CSMD1: variants seen among roughly 807,000 people sequenced by gnomAD.
CSMD1 encodes the protein CUB and Sushi multiple domains 1, also known as CUB and sushi domain-containing protein 1.
In CSMD1, 213 loss-of-function variants were observed where a neutral mutation model predicts 417.5. The ratio of observed to expected loss-of-function variants is 0.51; its 90% CI spans 0.46 to 0.57. CSMD1 has a LOEUF of 0.57. CSMD1 is among the 20% of genes least tolerant of loss of function. The pLI, the probability that CSMD1 is intolerant of heterozygous loss-of-function variation, is 0.00. For missense variants in CSMD1, 6,923 were observed against 4,529.7 expected, an observed-to-expected ratio of 1.53 and a Z score of -15.17; for synonymous variants, 2,862 against 1,736.8, an observed-to-expected ratio of 1.65 and a Z score of -16.11.
intron 3 of CSMD1, among the ~76,000 whole-genome samples, chr8:4,091,806 A>G (rs1167044466): frequency 6.6e-6 from 1 of 152,222 alleles, no homozygotes; most frequent in East Asian, 1.9e-4. Flanking sequence ...AAAATACTGG[A>G]AGAGGCCTTA....
At chr8:3,448,160 T>G (rs114665292) in intron 12 of CSMD1, among the ~76,000 whole-genome samples, 1 of 150,558 alleles carries the variant, frequency 6.6e-6, no homozygotes, top group Non-Finnish European at 1.5e-5. Context: ...GGAGCCTGAA[T>G]TGGGGGAGTA....
chr8:3,439,074 G>T (rs1371444129), intron 12 of CSMD1, among the ~76,000 whole-genome samples: 5 of 111,290 alleles, frequency 4.5e-5, no homozygotes, highest in Admixed American at 1.4e-4. Context: ...AGTGAGCCAA[G>T]ATCGTGCCAC....
chr8:3,139,561 G>C (rs543913655), intron 41 of CSMD1, among the ~76,000 whole-genome samples: 7 of 152,150 alleles, frequency 4.6e-5, no homozygotes, highest in African/African-American at 1.2e-4. Flanking sequence ...TAGACACCAG[G>C]TAAATAGATA....
chr8:3,646,837 TG>T (rs1320313525), intron 7 of CSMD1, among the ~76,000 whole-genome samples: 1 of 152,142 alleles, frequency 6.6e-6, no homozygotes, highest in Non-Finnish European at 1.5e-5. Context: ...TCCCACCCGC[TG>T]GCTGCTTGCC....
intron 11 of CSMD1, among the ~76,000 whole-genome samples, chr8:3,484,246 T>C (rs1285942236): frequency 2.6e-5 from 4 of 152,198 alleles, no homozygotes; most frequent in Admixed American, 2.0e-4. Flanking sequence ...CACACATCAG[T>C]GTAACAGAAC....
chr8:3,841,685 T>C (rs1293570449), intron 5 of CSMD1, among the ~76,000 whole-genome samples: 1 of 152,206 alleles, frequency 6.6e-6, no homozygotes, highest in Non-Finnish European at 1.5e-5. Flanking sequence ...ATTCTAATTT[T>C]AGAACCTAGT....
At chr8:4,013,489 G>A (rs1034825115) in intron 4 of CSMD1, among the ~76,000 whole-genome samples, 8 of 152,114 alleles carry the variant, frequency 5.3e-5, no homozygotes, top group African/African-American at 1.4e-4. Flanking sequence ...ATAAGACCAG[G>A]AGAGTCCTGT....
chr8:3,539,510 T>C (rs1407877541), intron 10 of CSMD1, among the ~76,000 whole-genome samples: 1 of 152,150 alleles, frequency 6.6e-6, no homozygotes, highest in Non-Finnish European at 1.5e-5. Context: ...GTGCATTATA[T>C]TATGAAGCCC....
rs151143423 is a variant in CSMD1, at chr8:3,360,057, A to G, written c.3116-717T>C. Among the ~76,000 whole-genome samples the G allele has an allele frequency of 1.4e-3, 220 of 152,312 alleles. 1 individual carries two copies. The highest frequency in any genetic ancestry group is 4.7e-3 in the African/African-American group (197 of 41,572). On this transcript the variant is annotated intron_variant, in intron 20 of 69. Transcript: ENST00000635120. ...ACGCATGAAGCATAACATAAAAGCA[A>G]AGGCACAGGGCTATGTTTCTGGAAA...
intron 21 of CSMD1, among the ~76,000 whole-genome samples, chr8:3,348,526 A>T (rs1350442275): frequency 6.6e-6 from 1 of 152,142 alleles, no homozygotes; most frequent in African/African-American, 2.4e-5. Context: ...CTGCCTCATG[A>T]AATGTCCCCA....
chr8:3,096,460 C>T (rs752545235), intron 47 of CSMD1, among the ~76,000 whole-genome samples: 1 of 152,104 alleles, frequency 6.6e-6, no homozygotes, highest in Non-Finnish European at 1.5e-5. Flanking sequence ...TGCGTGCACC[C>T]ACTCTTTCTC....
In CSMD1 at chr8:4,292,305, T is replaced by C. The variant is rs536400620; in HGVS notation, c.415+127648A>G. On this transcript the variant is annotated intron_variant, in intron 3 of 69. Transcript: ENST00000635120. ...TCTCGCTCTGTCGCCCAGGCTGGAG[T>C]GCAGTGTCGCGACCTGGGCTCACTG... 2.7e-3 allele frequency among the ~76,000 whole-genome samples: 408 copies of C among 152,216 alleles called. 3 individuals are homozygous for C. The highest frequency in any genetic ancestry group is 4.7e-3 in the Non-Finnish European group (323 of 68,006).
chr8:3,657,090 T>C (rs762127644), intron 7 of CSMD1, among the ~76,000 whole-genome samples: 1 of 152,110 alleles, frequency 6.6e-6, no homozygotes, highest in Non-Finnish European at 1.5e-5. Context: ...CACTACCGAG[T>C]TGCTGCACTG....
intron 3 of CSMD1, among the ~76,000 whole-genome samples, chr8:4,309,055 A>C (rs60078666): frequency 0.031 from 4,656 of 152,198 alleles, 232 homozygotes; most frequent in African/African-American, 0.11. Flanking sequence ...CACCTATATT[A>C]CTTTTTATTA....
At chr8:4,888,754 C>T (rs927807850) in intron 1 of CSMD1, among the ~76,000 whole-genome samples, 75 of 151,966 alleles carry the variant, frequency 4.9e-4, no homozygotes, top group African/African-American at 1.8e-3. Context: ...TGTGTTAGGG[C>T]TAAAAAGTAA....
At chr8:3,163,969 T>C (rs922207600) in intron 37 of CSMD1, among the ~76,000 whole-genome samples, 8 of 152,194 alleles carry the variant, frequency 5.3e-5, no homozygotes. Context: ...GAGCTAACAG[T>C]ACACTTCCTC....
At chr8:3,932,673 C>A (rs144606547) in intron 5 of CSMD1, among the ~76,000 whole-genome samples, 3 of 150,292 alleles carry the variant, frequency 2.0e-5, no homozygotes, top group African/African-American at 4.9e-5. Context: ...AAAGCCGGTC[C>A]AATAAACTCA....
chr8:3,425,913 T>A (rs1248202744), intron 12 of CSMD1, among the ~76,000 whole-genome samples: 1 of 152,092 alleles, frequency 6.6e-6, no homozygotes, highest in East Asian at 1.9e-4. Context: ...AAAAGGTGAG[T>A]AATGGAATCT....
At chr8:4,768,851 G>A (rs937684488) in intron 1 of CSMD1, among the ~76,000 whole-genome samples, 4 of 152,258 alleles carry the variant, frequency 2.6e-5, no homozygotes, top group Middle Eastern at 3.4e-3. Flanking sequence ...GGAAGGGGAG[G>A]TGGCTGAGAC....
Sources: gnomAD v4.1 joint callset for allele counts (sites outside exome capture counted in the v4.1 genomes callset) on GRCh38, gnomAD v4.1.1 for gene constraint, MANE v1.5 for transcripts, NCBI Gene and HGNC (gene_info 2026-07-23, HGNC 2026-07-21) for gene names.